The following TLK1 variants were observed in gnomAD, a reference collection of about 807,000 sequenced individuals.
TLK1 encodes the protein serine/threonine-protein kinase tousled-like 1.
Under a neutral mutation model 105.3 loss-of-function variants are expected in TLK1, and 24 were observed. The ratio of observed to expected loss-of-function variants is 0.23; its 90% CI spans 0.17 to 0.32. The LOEUF is 0.32. Among genes scored for constraint, TLK1 ranks in the 10% least tolerant of loss-of-function variants. The pLI is 1.00. For missense variants in TLK1, 558 were observed against 910.5 expected, an observed-to-expected ratio of 0.61 and a Z score of 4.98; for synonymous variants, 321 against 310.4, an observed-to-expected ratio of 1.03 and a Z score of -0.36.
intron 2 of TLK1, among the ~76,000 whole-genome samples, chr2:171,105,931 A>G (rs1438190219): frequency 6.6e-6 from 1 of 152,220 alleles, no homozygotes; most frequent in Non-Finnish European, 1.5e-5. Flanking sequence ...CATGATTCAT[A>G]ATAGCTGAAG....
intron 20 of TLK1, among the ~76,000 whole-genome samples, chr2:170,995,779 T>C (rs1281892797): frequency 6.6e-6 from 1 of 152,194 alleles, no homozygotes; most frequent in Non-Finnish European, 1.5e-5. Flanking sequence ...CTCACCTCAC[T>C]GCAACCTCTA....
chr2:171,210,923 T>G (rs112446673), intron 1 of TLK1, among the ~76,000 whole-genome samples: 4 of 152,310 alleles, frequency 2.6e-5, no homozygotes, highest in African/African-American at 9.6e-5. Context: ...TCCAGGAGGC[T>G]GAGAGAGTAA....
chr2:171,192,451 G>A (rs996570773), intron 1 of TLK1, among the ~76,000 whole-genome samples: 55 of 152,114 alleles, frequency 3.6e-4, no homozygotes, highest in African/African-American at 1.2e-3. Flanking sequence ...AGGCCGAGGC[G>A]GGCGGATCAC....
At chr2:171,120,115 G>C (rs1018199048) in intron 1 of TLK1, among the ~76,000 whole-genome samples, 5 of 151,902 alleles carry the variant, frequency 3.3e-5, no homozygotes, top group African/African-American at 4.8e-5. Context: ...CGAGCGTGGT[G>C]GTGTGTGCCT....
intron 1 of TLK1, among the ~76,000 whole-genome samples, chr2:171,193,269 G>A (rs1693190207): frequency 6.6e-6 from 1 of 152,114 alleles, no homozygotes. Context: ...TCTACTCTAG[G>A]AGGAGTGAAA....
chr2:171,221,941 G>T (rs980115944), intron 1 of TLK1, among the ~76,000 whole-genome samples: 2 of 152,218 alleles, frequency 1.3e-5, no homozygotes, highest in African/African-American at 4.8e-5. Context: ...GTCAGCATAT[G>T]AATTTTTTGG....
At chr2:171,160,984 G>GGCGGCAGCGGCGGCC (rs1553485649), upstream of TLK1, 9 of 198,164 alleles carry the variant, frequency 4.5e-5, no homozygotes, top group Middle Eastern at 1.8e-3. The surrounding 1 kb of genome is among the most constrained non-coding windows in gnomAD (Gnocchi z 4.4). Context: ...CGGCGGCGGC[G>GGCGGCAGCGGCGGCC]GCGGCAGCGG....
rs1188466196 is a variant in TLK1 at position 170,991,931 on chromosome 2, A to C, written c.*1849T>G. 1 of 152,126 alleles carries C rather than the reference A, an allele frequency of 6.6e-6. No individual in the cohort carries two copies. Among genetic ancestry groups the C allele is most frequent in the Non-Finnish European group, 1.5e-5 (1 of 68,002 alleles). The allele number at this position is 152,126 out of a possible 1,614,324, so 9.4% of individuals were successfully genotyped here. Reference sequence around the variant, plus strand: ...TTTTAATAGGATTTCTCTGTGCTCTACAGAGGAATGGGTATAGCCAGCCCC... The same window carrying C: ...TTTTAATAGGATTTCTCTGTGCTCTCCAGAGGAATGGGTATAGCCAGCCCC... On this transcript the variant is annotated 3_prime_UTR_variant, in exon 21 of 21. Coordinates refer to ENST00000431350, the MANE Select transcript of TLK1 (RefSeq NM_012290.5).
intron 3 of TLK1, among the ~76,000 whole-genome samples, chr2:171,068,434 G>C (rs1688110773): frequency 6.6e-6 from 1 of 152,188 alleles, no homozygotes; most frequent in Admixed American, 6.5e-5. Flanking sequence ...AGGCTCCCAA[G>C]TACCTGGGAC....
intron 3 of TLK1, among the ~76,000 whole-genome samples, chr2:171,063,997 G>A (rs559141144): frequency 2.6e-5 from 4 of 152,278 alleles, no homozygotes; most frequent in South Asian, 2.1e-4. Context: ...AGATTACTTC[G>A]TGAAGCCTTT....
At chr2:171,034,542 C>T (rs899172302) in intron 11 of TLK1, among the ~76,000 whole-genome samples, 1 of 152,064 alleles carries the variant, frequency 6.6e-6, no homozygotes, top group Admixed American at 6.5e-5. Flanking sequence ...AGCAAATACA[C>T]AGAGAAAGAA....
At chr2:171,005,188 C>A (rs373505409) in intron 18 of TLK1, among the ~76,000 whole-genome samples, 1 of 152,170 alleles carries the variant, frequency 6.6e-6, no homozygotes, top group Non-Finnish European at 1.5e-5. Flanking sequence ...TCTCTGAGAA[C>A]TAAGTTTGTT....
intron 1 of TLK1, among the ~76,000 whole-genome samples, chr2:171,226,585 T>C (rs1693903005): frequency 6.6e-6 from 1 of 152,202 alleles, no homozygotes; most frequent in South Asian, 2.1e-4. Context: ...CATCTGCTCC[T>C]ATCATGGAGG....
intron 1 of TLK1, among the ~76,000 whole-genome samples, chr2:171,198,785 C>A (rs1424045702): frequency 6.6e-6 from 1 of 152,186 alleles, no homozygotes; most frequent in African/African-American, 2.4e-5. Flanking sequence ...TCTAGAAAAG[C>A]AAATGTTTGC....
chr2:171,058,965 T>C (rs1159704622), intron 4 of TLK1, among the ~76,000 whole-genome samples: 1 of 152,222 alleles, frequency 6.6e-6, no homozygotes, highest in Non-Finnish European at 1.5e-5. Flanking sequence ...GATTCATTTA[T>C]TTTATTTAAC....
Position 171,089,171 on chromosome 2 carries a change from A to G in TLK1, c.259-6319T>C, listed in dbSNP as rs148481225. Among the ~76,000 whole-genome samples, 731 of 152,336 alleles carry G rather than the reference A, an allele frequency of 4.8e-3. 5 individuals are homozygous for G. Among genetic ancestry groups the G allele is most frequent in the African/African-American group, 0.016 (679 of 41,582 alleles). On this transcript the variant is annotated intron_variant, in intron 2 of 20. Coordinates refer to ENST00000431350, the MANE Select transcript of TLK1 (RefSeq NM_012290.5). Reference sequence around the variant, plus strand: ...CCACATTTGGCCTGGCTTTGAAATTATGAACATGAATTGTGTGTCTTTTCC... The same window carrying G: ...CCACATTTGGCCTGGCTTTGAAATTGTGAACATGAATTGTGTGTCTTTTCC...
intron 1 of TLK1, among the ~76,000 whole-genome samples, chr2:171,184,967 A>T (rs1370362752): frequency 6.6e-6 from 1 of 151,820 alleles, no homozygotes; most frequent in Non-Finnish European, 1.5e-5. Context: ...GACTCCCAAG[A>T]AGCTGGGACT....
chr2:171,217,286 G>A (rs185020388), intron 1 of TLK1, among the ~76,000 whole-genome samples: 8 of 152,274 alleles, frequency 5.3e-5, no homozygotes, highest in African/African-American at 1.9e-4. Context: ...TGGGACAAAC[G>A]AACTTACAAA....
chr2:171,183,547 C>T (rs534905742), intron 1 of TLK1, among the ~76,000 whole-genome samples: 2 of 151,462 alleles, frequency 1.3e-5, no homozygotes, highest in South Asian at 4.2e-4. Flanking sequence ...TCTTTATATA[C>T]TATGGATATT....
Sources: gnomAD v4.1 joint callset for allele counts (sites outside exome capture counted in the v4.1 genomes callset) on GRCh38, gnomAD v4.1.1 for gene constraint, Gnocchi (gnomAD v3.1) non-coding constraint, MANE v1.5 for transcripts, NCBI Gene and HGNC (gene_info 2026-07-23, HGNC 2026-07-21) for gene names.